The following B3GALNT2 variants were observed in gnomAD, a reference collection of about 807,000 sequenced individuals.
The protein encoded by B3GALNT2 is UDP-GalNAc:beta-1,3-N-acetylgalactosaminyltransferase 2.
A neutral mutation model predicts 61.1 loss-of-function variants in B3GALNT2; 53 were observed. That is an observed-to-expected ratio of 0.87 (90% CI 0.70 to 1.09). The LOEUF is 1.09. B3GALNT2 is among the 50% of genes least tolerant of loss of function. The pLI, the probability that B3GALNT2 is intolerant of heterozygous loss-of-function variation, is 0.00. For synonymous variants in B3GALNT2, 223 were observed against 237.4 expected (o/e 0.94, Z 0.56); for missense variants, 544 against 623.0 (o/e 0.87, Z 1.35).
intron 1 of B3GALNT2, among the ~76,000 whole-genome samples, chr1:235,499,753 A>C (rs550109312): frequency 3.7e-4 from 56 of 152,326 alleles, no homozygotes; most frequent in African/African-American, 1.3e-3. Flanking sequence ...ATCTAATGTT[A>C]ACAGATGGAG....
chr1:235,442,650 GA>G (rs1487441401), downstream of B3GALNT2, among the ~76,000 whole-genome samples: 1 of 152,180 alleles, frequency 6.6e-6, no homozygotes, highest in East Asian at 1.9e-4. Context: ...ACTAAGTGGG[GA>G]AAAGGGAAAG....
At chr1:235,471,861 C>T (rs145589070) in intron 5 of B3GALNT2, among the ~76,000 whole-genome samples, 7,927 of 152,148 alleles carry the variant, frequency 0.052, 370 homozygotes, top group African/African-American at 0.12. Context: ...CAGGGTTTCG[C>T]CATGTTGGCC....
intron 6 of B3GALNT2, 160 bp from the exon 7 acceptor site, chr1:235,465,874 C>G (rs761352935): frequency 4.2e-6 from 3 of 716,112 alleles, no homozygotes; most frequent in Non-Finnish European, 6.8e-6. Flanking sequence ...GGATGACATA[C>G]GGTATTCTAC....
chr1:235,478,298 G>A (rs1343860409), intron 5 of B3GALNT2, among the ~76,000 whole-genome samples: 2 of 152,080 alleles, frequency 1.3e-5, no homozygotes, highest in African/African-American at 4.8e-5. Flanking sequence ...TGATCCACCC[G>A]CCTTGGCCTC....
At position 235,448,242 on chromosome 1, in the gene B3GALNT2, AC is replaced by A; in HGVS notation, c.*1963del. The A allele has an allele frequency of 1.3e-6, 1 of 794,718 alleles. No homozygotes were observed. Among genetic ancestry groups the A allele is most frequent in the African/African-American group, 1.7e-5 (1 of 57,404 alleles). The allele number at this position is 794,718 out of a possible 1,614,324, so 49.2% of individuals were successfully genotyped here. On this transcript the variant is annotated 3_prime_UTR_variant, in exon 12 of 12. Coordinates refer to ENST00000366600, the MANE Select transcript of B3GALNT2 (RefSeq NM_152490.5). ...TCTCAAAAAAAAAAAAAAAAAAAAG[AC>A]AGATACAGCTATCATTGCAATGATA...
chr1:235,483,794 T>C (rs1334910466), intron 4 of B3GALNT2, among the ~76,000 whole-genome samples: 1 of 152,234 alleles, frequency 6.6e-6, no homozygotes, highest in Non-Finnish European at 1.5e-5. Flanking sequence ...TTCAAATACA[T>C]TTCCATGCTG....
At chr1:235,496,311 GA>G (rs57723180) in intron 1 of B3GALNT2, 51,599 of 727,208 alleles carry the variant, frequency 0.071, 4 homozygotes, top group South Asian at 0.08. Flanking sequence ...GACTCCACCT[GA>G]AAAAAAAAAA....
chr1:235,498,365 GA>G (rs1414539345), intron 1 of B3GALNT2, among the ~76,000 whole-genome samples: 2 of 151,992 alleles, frequency 1.3e-5, no homozygotes, highest in African/African-American at 2.4e-5. Context: ...AGATAATTCA[GA>G]AAAGAAAAAA....
chr1:235,461,516 T>TG (rs1283197809), intron 7 of B3GALNT2, among the ~76,000 whole-genome samples: 7 of 133,558 alleles, frequency 5.2e-5, no homozygotes, highest in African/African-American at 1.7e-4. Flanking sequence ...TGTTTTTTTT[T>TG]TTTTTTTTTT....
rs1682540095 is a variant in B3GALNT2 at position 235,448,026 on chromosome 1, TG to T, written c.*2179del. Among the ~76,000 whole-genome samples the T allele has an allele frequency of 1.3e-5, 2 of 151,984 alleles. No homozygotes were observed. The highest frequency in any genetic ancestry group is 1.3e-4 in the Admixed American group (2 of 15,256). ...GAGTTCAAGACCAGCCTGGCCAACA[TG>T]GTGAAACCCCGTCTCTACTAAAAAT... On this transcript the variant is annotated 3_prime_UTR_variant, in exon 12 of 12. Coordinates refer to ENST00000366600, the MANE Select transcript of B3GALNT2 (RefSeq NM_152490.5).
chr1:235,456,075 G>GGT (rs1463973044), intron 8 of B3GALNT2, among the ~76,000 whole-genome samples: 1 of 152,156 alleles, frequency 6.6e-6, no homozygotes, highest in East Asian at 1.9e-4. Flanking sequence ...TAATGAATTA[G>GGT]GTGTTACATC....
chr1:235,460,049 TC>T (rs1331133456), intron 7 of B3GALNT2, among the ~76,000 whole-genome samples: 1 of 151,828 alleles, frequency 6.6e-6, no homozygotes, highest in Non-Finnish European at 1.5e-5. Context: ...TGCCTCAGCC[TC>T]CCAAAGTGCT....
chr1:235,456,716 T>C (rs923071380), intron 8 of B3GALNT2, among the ~76,000 whole-genome samples: 21 of 152,150 alleles, frequency 1.4e-4, no homozygotes, highest in Non-Finnish European at 1.5e-4. Context: ...CAGCCAACAA[T>C]AGCGGCAGCG....
downstream of B3GALNT2, chr1:235,442,936 C>A (rs1681994640): frequency 6.2e-7 from 1 of 1,613,236 alleles, no homozygotes. Context: ...CCTGTCTTTT[C>A]CTTAAACTCT....
chr1:235,494,335 T>C (rs1685212489), intron 2 of B3GALNT2, among the ~76,000 whole-genome samples: 1 of 152,230 alleles, frequency 6.6e-6, no homozygotes, highest in Admixed American at 6.5e-5. Context: ...CTTAAAATGT[T>C]GGTTAAATTT....
At chr1:235,446,269 G>A (rs185886593), downstream of B3GALNT2, among the ~76,000 whole-genome samples, 14 of 152,044 alleles carry the variant, frequency 9.2e-5, no homozygotes, top group Non-Finnish European at 1.6e-4. Flanking sequence ...TCTGCCTTCC[G>A]GGTTCAAGCA....
At chr1:235,484,076 T>C (rs1341643389) in intron 4 of B3GALNT2, among the ~76,000 whole-genome samples, 1 of 152,162 alleles carries the variant, frequency 6.6e-6, no homozygotes, top group Non-Finnish European at 1.5e-5. Flanking sequence ...GAATTTTAGG[T>C]TGGAGATTTC....
At chr1:235,445,852 G>A (rs1558397043), downstream of B3GALNT2, among the ~76,000 whole-genome samples, 1 of 152,290 alleles carries the variant, frequency 6.6e-6, no homozygotes, top group East Asian at 1.9e-4. Context: ...CTAAGTACTT[G>A]CCAGCGGAGG....
chr1:235,496,493 C>A (rs1304060907), intron 1 of B3GALNT2, among the ~76,000 whole-genome samples: 1 of 151,294 alleles, frequency 6.6e-6, no homozygotes, highest in Non-Finnish European at 1.5e-5. Flanking sequence ...GTGAAAAGCA[C>A]TACATATAGA....
Sources: allele counts gnomAD v4.1 joint callset (sites outside exome capture counted in the v4.1 genomes callset), GRCh38; gene constraint gnomAD v4.1.1; transcripts MANE v1.5; gene names NCBI Gene and HGNC (gene_info 2026-07-23, HGNC 2026-07-21).